Variants in SPRED1 observed in about 807,000 individuals in gnomAD.
SPRED1 encodes the protein sprouty related EVH1 domain containing 1, also known as sprouty-related, EVH1 domain-containing protein 1.
In SPRED1, 18 loss-of-function variants were observed where a neutral mutation model predicts 52.3. That is an observed-to-expected ratio of 0.34 (90% CI 0.24 to 0.51). The LOEUF (loss-of-function observed/expected upper bound fraction) is 0.51, where lower values mean the gene tolerates loss of function less well. Among genes scored for constraint, SPRED1 ranks in the 20% least tolerant of loss-of-function variants. The probability of loss-of-function intolerance (pLI) is 0.97; values close to 1 mark genes in which losing one functional copy is unlikely to be tolerated. For synonymous variants in SPRED1, 155 were observed against 179.7 expected (o/e 0.86, Z 1.10); for missense variants, 485 against 551.0 (o/e 0.88, Z 1.20).
At chr15:38,324,298 T>C (rs1217741269) in intron 3 of SPRED1, among the ~76,000 whole-genome samples, 4 of 152,182 alleles carry the variant, frequency 2.6e-5, no homozygotes, top group African/African-American at 9.7e-5. Context: ...CAATTGGCCA[T>C]TAACTGTCAA....
intron 2 of SPRED1, among the ~76,000 whole-genome samples, chr15:38,313,430 A>G (rs1380723414): frequency 4.6e-5 from 7 of 152,092 alleles, no homozygotes; most frequent in African/African-American, 1.7e-4. Flanking sequence ...GATTAGATTC[A>G]TATTATTCAT....
intron 2 of SPRED1, among the ~76,000 whole-genome samples, chr15:38,320,466 G>A (rs1292826338): frequency 6.6e-6 from 1 of 151,960 alleles, no homozygotes; most frequent in Non-Finnish European, 1.5e-5. Flanking sequence ...TGAAACTAGG[G>A]AGTGGTCCAG....
At chr15:38,341,632 A>G (rs1896031923) in intron 5 of SPRED1, among the ~76,000 whole-genome samples, 1 of 152,008 alleles carries the variant, frequency 6.6e-6, no homozygotes, top group South Asian at 2.1e-4. Flanking sequence ...TATTTTTACC[A>G]TTATCAGAAA....
rs78521927 is a variant in SPRED1 at position 38,356,927 on chromosome 15, C to A, written c.*5263C>A. On this transcript the variant is annotated 3_prime_UTR_variant, in exon 7 of 7. Coordinates refer to ENST00000299084, the MANE Select transcript of SPRED1 (RefSeq NM_152594.3). The stretch of plus-strand genomic sequence containing the variant: ...TTGAAAAATCAAGGAGTAACTGTAT[C>A]TTTACCATTAATTATGAAATGTAGT... 8.5e-5 allele frequency: 13 copies of A among 152,246 alleles called. No individual in the cohort carries two copies. In the East Asian group the frequency reaches 2.3e-3, roughly 27 times the overall value. 9.4% of individuals were successfully genotyped at this position (152,246 alleles called of 1,614,324 possible). A position where few individuals can be genotyped will look rare whatever the true frequency, so the allele number is the denominator to read the frequency against.
chr15:38,292,721 A>G (rs1566857611), intron 1 of SPRED1, among the ~76,000 whole-genome samples: 1 of 152,176 alleles, frequency 6.6e-6, no homozygotes, highest in Admixed American at 6.5e-5. Context: ...GAATTCTGGG[A>G]GATACAATTC....
intron 1 of SPRED1, among the ~76,000 whole-genome samples, chr15:38,274,580 C>A (rs1282024658): frequency 6.6e-6 from 1 of 152,180 alleles, no homozygotes; most frequent in African/African-American, 2.4e-5. Flanking sequence ...ATAGCCAAAT[C>A]AGGAAACTAG....
intron 1 of SPRED1, among the ~76,000 whole-genome samples, chr15:38,277,519 A>G (rs11073306): frequency 1.4e-4 from 21 of 152,062 alleles, no homozygotes; most frequent in Non-Finnish European, 2.8e-4. Context: ...CCAGTCTGCC[A>G]TTGATGGGCA....
chr15:38,329,972 G>T (rs1349786115), intron 4 of SPRED1, among the ~76,000 whole-genome samples: 1 of 152,068 alleles, frequency 6.6e-6, no homozygotes, highest in Admixed American at 6.6e-5. Context: ...ATTTCCCACA[G>T]CATTTTGCAT....
At chr15:38,279,787 A>G (rs974508255) in intron 1 of SPRED1, among the ~76,000 whole-genome samples, 6 of 152,252 alleles carry the variant, frequency 3.9e-5, no homozygotes, top group Non-Finnish European at 8.8e-5. Context: ...GCAAGGAGAC[A>G]TTAAAAGTTC....
chr15:38,291,963 T>A (rs1894932945), intron 1 of SPRED1, among the ~76,000 whole-genome samples: 1 of 152,182 alleles, frequency 6.6e-6, no homozygotes, highest in African/African-American at 2.4e-5. Context: ...ACAAAATAGT[T>A]TTTCCTTTTC....
intron 1 of SPRED1, among the ~76,000 whole-genome samples, chr15:38,289,067 A>C (rs572981003): frequency 6.6e-6 from 1 of 152,246 alleles, no homozygotes; most frequent in East Asian, 1.9e-4. Context: ...AGACTTGGGA[A>C]TCTGTGTTTT....
chr15:38,326,713 C>A (rs531197384), intron 4 of SPRED1, among the ~76,000 whole-genome samples: 3 of 152,250 alleles, frequency 2.0e-5, no homozygotes, highest in Admixed American at 2.0e-4. Flanking sequence ...ATTATATTGG[C>A]AGAAATACCA....
chr15:38,284,846 T>C (rs1894771451), intron 1 of SPRED1, among the ~76,000 whole-genome samples: 1 of 113,648 alleles, frequency 8.8e-6, no homozygotes, highest in East Asian at 2.5e-4. Context: ...AAGGGGTTAC[T>C]TCATCTGGGA....
chr15:38,335,000 T>A (rs2141003925), intron 4 of SPRED1, among the ~76,000 whole-genome samples: 1 of 152,216 alleles, frequency 6.6e-6, no homozygotes, highest in East Asian at 1.9e-4. Flanking sequence ...TACCTATTTT[T>A]TACATCTTTC....
intron 4 of SPRED1, among the ~76,000 whole-genome samples, chr15:38,335,903 A>G (rs1895904333): frequency 6.6e-6 from 1 of 152,126 alleles, no homozygotes; most frequent in African/African-American, 2.4e-5. Flanking sequence ...AAAATTTAAA[A>G]TATAAAATGA....
chr15:38,348,060 C>T (rs1896177293), intron 5 of SPRED1, among the ~76,000 whole-genome samples: 2 of 151,814 alleles, frequency 1.3e-5, no homozygotes, highest in Admixed American at 6.6e-5. Flanking sequence ...TTTTCTGAGA[C>T]AGTGGTGAGA....
At chr15:38,318,945 C>T (rs187257576) in intron 2 of SPRED1, among the ~76,000 whole-genome samples, 1 of 151,980 alleles carries the variant, frequency 6.6e-6, no homozygotes, top group South Asian at 2.1e-4. Flanking sequence ...TTGGGAGGCT[C>T]TAAACAATAG....
chr15:38,253,272 C>T, intron 1 of SPRED1, 55 bp downstream of exon 1: 1 of 1,529,840 alleles, frequency 6.5e-7, no homozygotes, highest in Non-Finnish European at 8.9e-7. Context: ...CCGCCCTCGG[C>T]TCTCCCCCAG....
chr15:38,253,160 C>G lies in SPRED1; in HGVS notation c.-26C>G. The G allele has an allele frequency of 6.4e-7, 1 of 1,572,482 alleles. No individual in the cohort carries two copies. Among genetic ancestry groups the G allele is most frequent in the Non-Finnish European group, 8.6e-7 (1 of 1,158,132 alleles). On this transcript the variant is annotated 5_prime_UTR_variant, in exon 1 of 7. Coordinates refer to ENST00000299084, the MANE Select transcript of SPRED1 (RefSeq NM_152594.3). ...CCCGCCTGCTGTTGCTCCTCCATCT[C>G]CAGATCGGATCACGGTGAGGGAAAG...
Sources: allele counts gnomAD v4.1 joint callset (sites outside exome capture counted in the v4.1 genomes callset), GRCh38; gene constraint gnomAD v4.1.1; transcripts MANE v1.5; gene names NCBI Gene and HGNC (gene_info 2026-07-23, HGNC 2026-07-21).